The following PTPRS variants were observed in gnomAD, a reference collection of about 807,000 sequenced individuals.
PTPRS encodes protein tyrosine phosphatase receptor type S.
A neutral mutation model predicts 215.3 loss-of-function variants in PTPRS; 63 were observed. The observed-to-expected ratio is 0.29, with a 90% CI of 0.24 to 0.36. The LOEUF is 0.36. PTPRS is among the 10% of genes least tolerant of loss of function. The pLI is 1.00. For missense variants in PTPRS, 2,258 were observed against 2,825.8 expected, an observed-to-expected ratio of 0.80 and a Z score of 4.56; for synonymous variants, 1,404 against 1,191.4, an observed-to-expected ratio of 1.18 and a Z score of -3.68.
rs757506879 is a variant in PTPRS, at chr19:5,286,023, C to T, written c.91+27G>A. ...ACACAGGTAAACAAACACGCAGACCCCTGCACATCCCGTGCCGGCTTCTTA... is the reference window on the plus strand; with the variant it reads ...ACACAGGTAAACAAACACGCAGACCTCTGCACATCCCGTGCCGGCTTCTTA... On this transcript the variant is annotated intron_variant, in intron 2 of 37. Transcript: ENST00000262963. 2.5e-6 allele frequency: 4 copies of T among 1,602,114 alleles called. No homozygotes were observed. The South Asian group carries it at 3.3e-5, about 13-fold the overall frequency.
intron 14 of PTPRS, 58 bp downstream of exon 14, chr19:5,231,252 C>T (rs145604170): frequency 4.6e-6 from 7 of 1,512,330 alleles, no homozygotes; most frequent in African/African-American, 2.7e-5. Context: ...TGGAAGGCTT[C>T]GAGGCGGGGG....
rs1324492250 is a variant in PTPRS, at chr19:5,237,295, G to C, written c.1849+1624C>G. ...CAGCCTAAGGAGCCCGCAGTCCCCGGGGGGATGGATACGCCTGGCCCTGAG... is the reference window on the plus strand; with the variant it reads ...CAGCCTAAGGAGCCCGCAGTCCCCGCGGGGATGGATACGCCTGGCCCTGAG... On this transcript the variant is annotated intron_variant, in intron 13 of 37. Coordinates refer to ENST00000262963, the MANE Select transcript of PTPRS (RefSeq NM_002850.4). This position sits in a 1 kb window ranked among gnomAD's most constrained non-coding sequence, Gnocchi z 4.2. Among the ~76,000 whole-genome samples the C allele has an allele frequency of 6.6e-6, 1 of 151,940 alleles. No individual in the cohort carries two copies. The highest frequency in any genetic ancestry group is 1.5e-5 in the Non-Finnish European group (1 of 68,036).
At chr19:5,297,481 C>T (rs2049170984) in intron 1 of PTPRS, among the ~76,000 whole-genome samples, 1 of 152,160 alleles carries the variant, frequency 6.6e-6, no homozygotes, top group Non-Finnish European at 1.5e-5. Flanking sequence ...AGCACTCCTG[C>T]CCCTGTTGGG....
intron 1 of PTPRS, among the ~76,000 whole-genome samples, chr19:5,317,993 A>C (rs2049924468): frequency 6.6e-6 from 1 of 152,166 alleles, no homozygotes; most frequent in African/African-American, 2.4e-5. Context: ...CACACGGTGA[A>C]ACCCCGTCTC....
chr19:5,251,401 A>G (rs2045052042), intron 9 of PTPRS, among the ~76,000 whole-genome samples: 1 of 144,918 alleles, frequency 6.9e-6, no homozygotes, highest in East Asian at 2.0e-4. Context: ...TGGTATTTTG[A>G]GCTGGACCTT....
At chr19:5,255,017 A>G (rs947126809) in intron 9 of PTPRS, among the ~76,000 whole-genome samples, 2 of 152,214 alleles carry the variant, frequency 1.3e-5, no homozygotes, top group Admixed American at 1.3e-4. Context: ...ACTAAAATGA[A>G]TAAGAACTCA....
intron 4 of PTPRS, among the ~76,000 whole-genome samples, chr19:5,269,205 C>T (rs1037005285): frequency 5.9e-5 from 9 of 152,110 alleles, no homozygotes; most frequent in African/African-American, 1.4e-4. Context: ...CGTGTCCACA[C>T]GTGAGCAATT....
chr19:5,320,501 C>A (rs994463315), intron 1 of PTPRS, among the ~76,000 whole-genome samples: 6 of 152,172 alleles, frequency 3.9e-5, no homozygotes, highest in African/African-American at 1.4e-4. Flanking sequence ...GTGATCTTGG[C>A]TCACTGCAAA....
At chr19:5,266,417 AC>A (rs2046401667) in intron 4 of PTPRS, among the ~76,000 whole-genome samples, 1 of 152,062 alleles carries the variant, frequency 6.6e-6, no homozygotes, top group Admixed American at 6.5e-5. Flanking sequence ...GGTATGAGCC[AC>A]TGTGCCTGGC....
At chr19:5,233,977 A>AAAAAAAAC (rs2038800597) in intron 13 of PTPRS, among the ~76,000 whole-genome samples, 1 of 132,396 alleles carries the variant, frequency 7.6e-6, no homozygotes, top group Non-Finnish European at 1.6e-5. Context: ...AAAAAAAAAA[A>AAAAAAAAC]TCTATATGTC....
At chr19:5,211,434 G>C (rs142784771) in intron 33 of PTPRS, among the ~76,000 whole-genome samples, 156 bp downstream of exon 33, 2 of 152,294 alleles carry the variant, frequency 1.3e-5, no homozygotes, top group African/African-American at 4.8e-5. Flanking sequence ...TTCACGGACA[G>C]CAGCCATCAG....
chr19:5,332,497 GGA>G (rs1424730426), intron 1 of PTPRS, among the ~76,000 whole-genome samples: 8 of 152,328 alleles, frequency 5.3e-5, no homozygotes, highest in African/African-American at 1.9e-4. Flanking sequence ...ATCTGGCCCT[GGA>G]GCCATTCAGG....
At chr19:5,222,658 G>T in intron 18 of PTPRS, 31 bp downstream of exon 18, 2 of 1,509,652 alleles carry the variant, frequency 1.3e-6, no homozygotes, top group South Asian at 2.5e-5. Context: ...GGCCCGGTCC[G>T]GCTCTGGTGC....
At chr19:5,311,389 C>A (rs1468516133) in intron 1 of PTPRS, among the ~76,000 whole-genome samples, 1 of 152,162 alleles carries the variant, frequency 6.6e-6, no homozygotes, top group Non-Finnish European at 1.5e-5. Flanking sequence ...CTGTTCCCAA[C>A]ACCTGACCCT....
chr19:5,289,170 C>T (rs368938066), intron 1 of PTPRS, among the ~76,000 whole-genome samples: 9 of 152,264 alleles, frequency 5.9e-5, no homozygotes, highest in African/African-American at 1.9e-4. Context: ...GGACCCTGCA[C>T]ACCCACAATC....
chr19:5,296,756 T>A (rs1435808319), intron 1 of PTPRS, among the ~76,000 whole-genome samples: 1 of 151,314 alleles, frequency 6.6e-6, no homozygotes, highest in Non-Finnish European at 1.5e-5. Flanking sequence ...GGGGACAAGA[T>A]GCGCACGGCC....
At chr19:5,323,409 A>C (rs949430662) in intron 1 of PTPRS, among the ~76,000 whole-genome samples, 28 of 152,334 alleles carry the variant, frequency 1.8e-4, no homozygotes, top group African/African-American at 6.3e-4. Flanking sequence ...AAGGGCTTTG[A>C]GTCAAAGAGA....
Position 5,257,318 on chromosome 19 carries a change from G to A in PTPRS, c.706+699C>T, listed in dbSNP as rs866306941. On this transcript the variant is annotated intron_variant, in intron 8 of 37. Coordinates refer to ENST00000262963, the MANE Select transcript of PTPRS (RefSeq NM_002850.4). The surrounding 1 kb of genome is among the most constrained non-coding windows in gnomAD (Gnocchi z 4.4). ...ACTGAGTGGGAATTGGAAACTGAGA[G>A]TAACAAGCTTCGCTGGGTGCCGTGC... The A allele has an allele frequency of 1.0e-4, 44 of 421,966 alleles. No homozygotes were observed. The highest frequency in any genetic ancestry group is 3.4e-4 in the Middle Eastern group (1 of 2,962). 26.1% of individuals were successfully genotyped at this position (421,966 alleles called of 1,614,324 possible).
intron 1 of PTPRS, among the ~76,000 whole-genome samples, chr19:5,316,851 G>A (rs568115738): frequency 4.6e-5 from 7 of 152,222 alleles, no homozygotes; most frequent in African/African-American, 1.4e-4. Context: ...TCTGGCACCC[G>A]GCTGTGATTT....
Sources: gnomAD v4.1 joint callset for allele counts (sites outside exome capture counted in the v4.1 genomes callset) on GRCh38, gnomAD v4.1.1 for gene constraint, Gnocchi (gnomAD v3.1) non-coding constraint, MANE v1.5 for transcripts, NCBI Gene and HGNC (gene_info 2026-07-23, HGNC 2026-07-21) for gene names.